GABRA3: variants seen among roughly 807,000 people sequenced by gnomAD.
GABRA3 encodes the protein gamma-aminobutyric acid type A receptor subunit alpha3, also known as gamma-aminobutyric acid receptor subunit alpha-3.
GABRA3 carries 10 observed loss-of-function variants against 30.1 expected under a neutral mutation model. The ratio of observed to expected loss-of-function variants is 0.33; its 90% CI spans 0.20 to 0.56. The LOEUF is 0.56. Ranked by LOEUF, GABRA3 falls within the 20% of genes least tolerant of loss-of-function variation. GABRA3 has a pLI of 0.89. For missense variants in GABRA3, 233 were observed against 392.0 expected, an observed-to-expected ratio of 0.59 and a Z score of 3.42; for synonymous variants, 151 against 146.8, an observed-to-expected ratio of 1.03 and a Z score of -0.21.
chrX:152,417,987 G>C (rs1930276682), intron 1 of GABRA3, among the ~76,000 whole-genome samples: 1 of 103,781 alleles, frequency 9.6e-6, no homozygotes, highest in Admixed American at 1.1e-4. Context: ...TAACTAACCT[G>C]CACAATGTGC....
In GABRA3 at chrX:152,235,943, G is replaced by A. The variant is rs1377137621; in HGVS notation, c.552-11098C>T. 7.4e-5 allele frequency among the ~76,000 whole-genome samples: 7 copies of A among 94,810 alleles called. No homozygotes were observed. In the East Asian group the frequency reaches 2.5e-3, roughly 34 times the overall value. The allele number at this position is 94,810 out of a possible 115,157, so 82.3% of individuals were successfully genotyped here. ...AACAAATCAAAAAGAACAAAGCATT[G>A]CACTATTTGATTTCTTTTTTTTTTT... On this transcript the variant is annotated intron_variant, in intron 5 of 9. Transcript: ENST00000370314.
At chrX:152,450,471 G>A (rs764014320) in intron 1 of GABRA3, among the ~76,000 whole-genome samples, 4 of 107,450 alleles carry the variant, frequency 3.7e-5, no homozygotes, top group Admixed American at 1.0e-4. Context: ...GCTTCTCGCC[G>A]GGAAACAAGG....
rs994672458 is a variant in GABRA3, at chrX:152,231,337, A to T, written c.552-6492T>A. On this transcript the variant is annotated intron_variant, in intron 5 of 9. Transcript: ENST00000370314. ...CACGTGTGTGTGTACACGTGTGTGT[A>T]TACACGTGTGTATATACGTGTATAT... Among the ~76,000 whole-genome samples, 4 of 109,380 alleles carry T rather than the reference A, an allele frequency of 3.7e-5. No individual in the cohort carries two copies. The Admixed American group carries it at 3.9e-4, about 11-fold the overall frequency. 95.0% of individuals were successfully genotyped at this position (109,380 alleles called of 115,157 possible). A position where few individuals can be genotyped will look rare whatever the true frequency, so the allele number is the denominator to read the frequency against.
intron 3 of GABRA3, among the ~76,000 whole-genome samples, chrX:152,293,989 G>C (rs1053929187): frequency 8.9e-6 from 1 of 111,944 alleles, no homozygotes; most frequent in African/African-American, 3.3e-5. Context: ...TTTCTGCCAA[G>C]AGATCCGCTG....
chrX:152,361,104 AAAAAG>A (rs1053238205), intron 2 of GABRA3, among the ~76,000 whole-genome samples: 10 of 107,893 alleles, frequency 9.3e-5, no homozygotes, highest in African/African-American at 3.0e-4. Context: ...AAAAAAAAAA[AAAAAG>A]AAAGAAAGAA....
At chrX:152,374,157 C>T (rs530161385) in intron 1 of GABRA3, among the ~76,000 whole-genome samples, 40 of 109,816 alleles carry the variant, frequency 3.6e-4, no homozygotes, top group African/African-American at 1.3e-3. Context: ...GGGTTTTTTG[C>T]TTGTAAGTTT....
intron 1 of GABRA3, among the ~76,000 whole-genome samples, chrX:152,419,610 C>A (rs1438231188): frequency 9.0e-6 from 1 of 111,636 alleles, no homozygotes; most frequent in East Asian, 2.8e-4. Flanking sequence ...GAAATTGAAT[C>A]TATCACTAAA....
chrX:152,374,497 C>G (rs775809849), intron 1 of GABRA3, among the ~76,000 whole-genome samples: 2 of 108,837 alleles, frequency 1.8e-5, no homozygotes, highest in Admixed American at 2.0e-4. Flanking sequence ...ACTACAGGCA[C>G]GCGCCACCAC....
intron 4 of GABRA3, among the ~76,000 whole-genome samples, chrX:152,273,996 C>A (rs763349214): frequency 9.0e-6 from 1 of 111,354 alleles, no homozygotes; most frequent in South Asian, 3.8e-4. Flanking sequence ...CATAAAAACA[C>A]AGAAGGTTTG....
chrX:152,403,621 G>A lies in GABRA3; in HGVS notation c.-26-39025C>T, dbSNP rs892771519. ...TTTCACCAGGGAGCCAACGCAAATA[G>A]GATTTGAAGGGCCAAGATTTTGGAG... is the stretch of plus-strand genomic sequence containing the variant. On this transcript the variant is annotated intron_variant, in intron 1 of 9. Transcript: ENST00000370314. 5.5e-5 allele frequency among the ~76,000 whole-genome samples: 6 copies of A among 109,450 alleles called. No individual in the cohort carries two copies. In the Admixed American group the frequency reaches 5.9e-4, roughly 11 times the overall value.
At chrX:152,289,587 T>C (rs915741761) in intron 3 of GABRA3, among the ~76,000 whole-genome samples, 9 of 110,905 alleles carry the variant, frequency 8.1e-5, no homozygotes, top group African/African-American at 2.3e-4. Context: ...TACATAGGCA[T>C]ACATGTGCCA....
chrX:152,285,904 T>A (rs1364016599), intron 3 of GABRA3, among the ~76,000 whole-genome samples: 1 of 106,788 alleles, frequency 9.4e-6, no homozygotes, highest in African/African-American at 3.4e-5. Flanking sequence ...ACTATAGTAT[T>A]AAGTACTATA....
chrX:152,241,794 G>T (rs987017582), intron 5 of GABRA3, among the ~76,000 whole-genome samples: 10 of 111,051 alleles, frequency 9.0e-5, no homozygotes, highest in South Asian at 3.9e-4. Context: ...CCCCTTTCTT[G>T]GACTCAGAAA....
Position 152,168,077 on chromosome X carries a change from G to T in GABRA3, c.*151C>A. On this transcript the variant is annotated 3_prime_UTR_variant, in exon 10 of 10. Coordinates refer to ENST00000370314, the MANE Select transcript of GABRA3 (RefSeq NM_000808.4). ...TAATTTTTCTGTAGTTATTTTTTGC[G>T]TAGAGATTCATAAATATGAATTGAG... The T allele has an allele frequency of 2.1e-6, 1 of 468,629 alleles. No individual in the cohort carries two copies. The highest frequency in any genetic ancestry group is 3.6e-6 in the Non-Finnish European group (1 of 274,218). 38.6% of individuals were successfully genotyped at this position (468,629 alleles called of 1,213,427 possible). A position where few individuals can be genotyped will look rare whatever the true frequency, so the allele number is the denominator to read the frequency against.
At chrX:152,320,315 C>T (rs1939942418) in intron 3 of GABRA3, among the ~76,000 whole-genome samples, 1 of 111,870 alleles carries the variant, frequency 8.9e-6, no homozygotes, top group Non-Finnish European at 1.9e-5. Context: ...AAATATGGAA[C>T]CAGCCCAAAT....
chrX:152,397,929 C>T (rs921561947), intron 1 of GABRA3, among the ~76,000 whole-genome samples: 26 of 111,731 alleles, frequency 2.3e-4, no homozygotes, highest in African/African-American at 8.5e-4. Flanking sequence ...ATTACTCTGT[C>T]ATCAAGTCCT....
At chrX:152,261,920 C>A (rs1938737140) in intron 4 of GABRA3, among the ~76,000 whole-genome samples, 1 of 112,704 alleles carries the variant, frequency 8.9e-6, no homozygotes, top group East Asian at 2.8e-4. Flanking sequence ...GCCCCTGCAG[C>A]AAACTTTTGC....
intron 3 of GABRA3, among the ~76,000 whole-genome samples, chrX:152,306,076 A>G (rs1009505607): frequency 8.9e-5 from 10 of 112,481 alleles, no homozygotes; most frequent in African/African-American, 3.2e-4. Flanking sequence ...CTCAATGAAC[A>G]TAAGGTTTCC....
At chrX:152,372,591 CTG>C (rs1272146773) in intron 1 of GABRA3, among the ~76,000 whole-genome samples, 1 of 111,628 alleles carries the variant, frequency 9.0e-6, no homozygotes, top group Non-Finnish European at 1.9e-5. Context: ...TAGCACATGA[CTG>C]TTACTCAATA....
Sources: gnomAD v4.1 joint callset for allele counts (sites outside exome capture counted in the v4.1 genomes callset) on GRCh38, gnomAD v4.1.1 for gene constraint, MANE v1.5 for transcripts, NCBI Gene and HGNC (gene_info 2026-07-23, HGNC 2026-07-21) for gene names.